LVRN: variants seen among roughly 807,000 people sequenced by gnomAD.
LVRN encodes the protein aminopeptidase Q.
A neutral mutation model predicts 111.4 loss-of-function variants in LVRN; 99 were observed. The observed-to-expected ratio is 0.89, with a 90% confidence interval of 0.76 to 1.05. The LOEUF (loss-of-function observed/expected upper bound fraction) is 1.05. Ranked by LOEUF, LVRN falls within the 50% of genes least tolerant of loss-of-function variation. The pLI is 0.00. For missense variants in LVRN, 1,414 were observed against 1,206.8 expected, an observed-to-expected ratio of 1.17 and a Z score of -2.54; for synonymous variants, 488 against 449.5, an observed-to-expected ratio of 1.09 and a Z score of -1.08.
chr5:116,003,062 A>G (rs913598928), intron 11 of LVRN, 151 bp downstream of exon 11: 30 of 915,504 alleles, frequency 3.3e-5, no homozygotes, highest in East Asian at 1.6e-4. Context: ...AAAGTGTCAA[A>G]TCAAAAGCCA....
At chr5:116,000,549 T>C (rs772776504) in intron 8 of LVRN, 44 bp from the exon 9 acceptor site, 5 of 1,612,560 alleles carry the variant, frequency 3.1e-6, no homozygotes, top group South Asian at 2.2e-5. Context: ...ATAAATTCCA[T>C]TGGCATGCTA....
intron 12 of LVRN, among the ~76,000 whole-genome samples, chr5:116,005,469 C>T (rs1748340963): frequency 6.6e-6 from 1 of 152,144 alleles, no homozygotes; most frequent in Non-Finnish European, 1.5e-5. Flanking sequence ...AAGATAAATA[C>T]CGTGTGAAAA....
At chr5:116,005,830 T>C (rs1427766220) in intron 12 of LVRN, 82 bp from the exon 13 acceptor site, 2 of 1,168,972 alleles carry the variant, frequency 1.7e-6, no homozygotes, top group African/African-American at 1.5e-5. Context: ...GCAGCAGTAA[T>C]CTTTAAATTG....
chr5:116,025,282 G>T (rs1037275382), intron 19 of LVRN, among the ~76,000 whole-genome samples: 34 of 152,172 alleles, frequency 2.2e-4, no homozygotes, highest in African/African-American at 8.0e-4. Context: ...TATTAGGGTT[G>T]AAGTGAGCTG....
chr5:115,984,826 C>G (rs963805610), intron 3 of LVRN, 117 bp downstream of exon 3: 3 of 1,371,268 alleles, frequency 2.2e-6, no homozygotes, highest in Admixed American at 5.1e-5. Flanking sequence ...CTAGTTCTCT[C>G]TCCCAAGCCC....
intron 18 of LVRN, chr5:116,019,831 C>T (rs1748677071): frequency 6.6e-6 from 1 of 152,204 alleles, no homozygotes; most frequent in Admixed American, 6.5e-5. Flanking sequence ...AAACAAATAC[C>T]ATCTCAGGTC....
intron 2 of LVRN, among the ~76,000 whole-genome samples, 155 bp downstream of exon 2, chr5:115,983,584 A>C (rs1747769421): frequency 6.6e-6 from 1 of 152,202 alleles, no homozygotes; most frequent in Non-Finnish European, 1.5e-5. Flanking sequence ...ATGTGTCAGC[A>C]TCCACACCTT....
intron 19 of LVRN, among the ~76,000 whole-genome samples, chr5:116,025,075 C>G (rs1162881846): frequency 6.6e-6 from 1 of 152,184 alleles, no homozygotes; most frequent in African/African-American, 2.4e-5. Context: ...CCTCCCACCA[C>G]TACAGGAGCC....
At chr5:116,003,965 A>G (rs940106497) in intron 12 of LVRN, among the ~76,000 whole-genome samples, 2 of 152,162 alleles carry the variant, frequency 1.3e-5, no homozygotes, top group Non-Finnish European at 2.9e-5. Context: ...CCTATTAACC[A>G]TTAGTTTTGT....
intron 15 of LVRN, among the ~76,000 whole-genome samples, chr5:116,014,025 A>G (rs937654818): frequency 1.1e-4 from 17 of 152,184 alleles, no homozygotes; most frequent in African/African-American, 4.1e-4. Flanking sequence ...AAAGAACTTT[A>G]TTTTAAAGTC....
intron 1 of LVRN, among the ~76,000 whole-genome samples, chr5:115,981,124 T>A (rs1465529550): frequency 6.6e-6 from 1 of 152,186 alleles, no homozygotes; most frequent in Non-Finnish European, 1.5e-5. Context: ...GGCTTGAATT[T>A]TCTCTACTTT....
chr5:115,984,464 A>T (rs1747803108), intron 2 of LVRN, 106 bp from the exon 3 acceptor site: 10 of 1,339,406 alleles, frequency 7.5e-6, no homozygotes, highest in African/African-American at 1.5e-5. Context: ...GACTATGAGG[A>T]ATAGCTGGAA....
intron 6 of LVRN, among the ~76,000 whole-genome samples, chr5:115,999,383 C>G (rs1319649006): frequency 1.3e-5 from 2 of 151,976 alleles, no homozygotes; most frequent in Non-Finnish European, 2.9e-5. Flanking sequence ...GAAAGAGAGA[C>G]TGATTAATTT....
chr5:116,006,065 C>T, intron 13 of LVRN, 98 bp downstream of exon 13: 1 of 888,912 alleles, frequency 1.1e-6, no homozygotes, highest in South Asian at 1.7e-5. Flanking sequence ...TTAGTCTATA[C>T]AGGCCATAAC....
intron 1 of LVRN, among the ~76,000 whole-genome samples, chr5:115,979,088 G>T (rs1278233208): frequency 6.6e-6 from 1 of 152,014 alleles, no homozygotes; most frequent in African/African-American, 2.4e-5. Context: ...TGGCTCTACT[G>T]GACTAAATCA....
intron 18 of LVRN, among the ~76,000 whole-genome samples, chr5:116,017,328 G>T (rs903000315): frequency 2.6e-5 from 4 of 152,202 alleles, no homozygotes; most frequent in Non-Finnish European, 5.9e-5. Flanking sequence ...TTTATTTTGT[G>T]TGCTCTTCAT....
At chr5:115,997,275 A>G (rs924019510) in intron 6 of LVRN, among the ~76,000 whole-genome samples, 7 of 152,198 alleles carry the variant, frequency 4.6e-5, no homozygotes, top group African/African-American at 1.7e-4. Context: ...AAGGATTCGT[A>G]CACAGGCACT....
intron 19 of LVRN, 71 bp downstream of exon 19, chr5:116,022,537 A>C: frequency 6.0e-6 from 6 of 997,392 alleles, no homozygotes; most frequent in Non-Finnish European, 9.2e-6. Context: ...TGGACTTGCT[A>C]AAATTAAAAA....
intron 19 of LVRN, among the ~76,000 whole-genome samples, chr5:116,024,071 A>G (rs1036549144): frequency 4.6e-5 from 7 of 152,202 alleles, no homozygotes; most frequent in African/African-American, 1.7e-4. Flanking sequence ...GACAAAGGGC[A>G]GATCAGTGGT....
Sources: allele counts gnomAD v4.1 joint callset (sites outside exome capture counted in the v4.1 genomes callset), GRCh38; gene constraint gnomAD v4.1.1; transcripts MANE v1.5; gene names NCBI Gene and HGNC (gene_info 2026-07-23, HGNC 2026-07-21).